The following MMP26 variants were observed in gnomAD, a reference collection of about 807,000 sequenced individuals.
MMP26 encodes matrix metalloproteinase-26.
Under a neutral mutation model 31.0 loss-of-function variants are expected in MMP26, and 33 were observed. The ratio of observed to expected loss-of-function variants is 1.06; its 90% CI spans 0.81 to 1.42. The LOEUF (loss-of-function observed/expected upper bound fraction) is 1.42. Among genes scored for constraint, MMP26 ranks in the 40% most tolerant of loss-of-function variants. The probability of loss-of-function intolerance (pLI) is 0.00; values close to 1 mark genes in which losing one functional copy is unlikely to be tolerated. For synonymous variants in MMP26, 122 were observed against 114.9 expected, an observed-to-expected ratio of 1.06 and a Z score of -0.40; for missense variants, 347 against 316.1, an observed-to-expected ratio of 1.10 and a Z score of -0.74.
At chr11:4,819,097 T>G (rs2133468988) in intron 2 of MMP26, among the ~76,000 whole-genome samples, 1 of 152,194 alleles carries the variant, frequency 6.6e-6, no homozygotes, top group South Asian at 2.1e-4. Context: ...CAGAAAATGG[T>G]ATAGGAGGAA....
chr11:4,944,911 A>G, intron 2 of MMP26: 1 of 152,132 alleles, frequency 6.6e-6, no homozygotes, highest in Non-Finnish European at 1.5e-5. Flanking sequence ...TTCAACAAAC[A>G]TGGTCTTATT....
intron 2 of MMP26, among the ~76,000 whole-genome samples, chr11:4,924,988 A>G (rs773960398): frequency 6.6e-6 from 1 of 152,218 alleles, no homozygotes; most frequent in Non-Finnish European, 1.5e-5. Flanking sequence ...TTATATATAT[A>G]TAAGTGTAGT....
chr11:4,865,408 C>T (rs1320254267), intron 2 of MMP26, among the ~76,000 whole-genome samples: 1 of 151,868 alleles, frequency 6.6e-6, no homozygotes, highest in African/African-American at 2.4e-5. Context: ...TGAAGTAGAA[C>T]GAATGAATCC....
chr11:4,952,094 T>C (rs1216924618), intron 2 of MMP26, among the ~76,000 whole-genome samples: 1 of 125,056 alleles, frequency 8.0e-6, no homozygotes, highest in East Asian at 2.3e-4. Context: ...TTGCTGTTGT[T>C]TGCCATGTTC....
intron 2 of MMP26, among the ~76,000 whole-genome samples, chr11:4,843,552 G>A (rs894741883): frequency 4.6e-5 from 7 of 152,222 alleles, no homozygotes; most frequent in African/African-American, 1.4e-4. Flanking sequence ...GGAACGCAGG[G>A]TGCCATGTCT....
At chr11:4,882,487 CA>C (rs1438016718) in intron 2 of MMP26, 1 of 1,613,832 alleles carries the variant, frequency 6.2e-7, no homozygotes, top group Non-Finnish European at 8.5e-7. Flanking sequence ...AACCTTGGAT[CA>C]GCAGTTTTTG....
chr11:4,724,895 A>G (rs1397671566), intron 1 of MMP26, among the ~76,000 whole-genome samples: 1 of 152,232 alleles, frequency 6.6e-6, no homozygotes, highest in Non-Finnish European at 1.5e-5. Flanking sequence ...ATAGACTGAT[A>G]TGGTTTGGAT....
chr11:4,833,071 G>A (rs1849668466), intron 2 of MMP26: 1 of 152,218 alleles, frequency 6.6e-6, no homozygotes, highest in Non-Finnish European at 1.5e-5. Context: ...AAGCCTAAAT[G>A]ATGGGGCAAA....
chr11:4,978,390 A>T (rs1453597909), intron 2 of MMP26, among the ~76,000 whole-genome samples: 3 of 152,216 alleles, frequency 2.0e-5, no homozygotes, highest in Non-Finnish European at 4.4e-5. Flanking sequence ...TGATTATTAA[A>T]GTAATTATTT....
chr11:4,938,781 T>G (rs1846166733), intron 2 of MMP26, among the ~76,000 whole-genome samples: 1 of 152,128 alleles, frequency 6.6e-6, no homozygotes, highest in Non-Finnish European at 1.5e-5. Context: ...CATATATGTA[T>G]AGGATGAACA....
At chr11:4,865,932 C>T (rs1850228115) in intron 2 of MMP26, among the ~76,000 whole-genome samples, 1 of 151,968 alleles carries the variant, frequency 6.6e-6, no homozygotes, top group Non-Finnish European at 1.5e-5. Flanking sequence ...ATAAATTATT[C>T]AAACATGTGA....
At chr11:4,738,962 GT>G (rs113037064) in intron 1 of MMP26, among the ~76,000 whole-genome samples, 6,661 of 152,206 alleles carry the variant, frequency 0.044, 469 homozygotes, top group African/African-American at 0.15. Context: ...CCTTGCTAGA[GT>G]TTTTTCTAGT....
intron 2 of MMP26, among the ~76,000 whole-genome samples, chr11:4,817,899 A>C (rs555900384): frequency 6.6e-6 from 1 of 152,176 alleles, no homozygotes; most frequent in Admixed American, 6.5e-5. Context: ...TAGAAAGGGC[A>C]CCTCTTCCTC....
intron 1 of MMP26, chr11:4,736,674 G>A (rs1296384424): frequency 6.6e-6 from 1 of 152,192 alleles, no homozygotes; most frequent in African/African-American, 2.4e-5. Context: ...ATACTTTGAC[G>A]ATCCTGGAAT....
chr11:4,744,086 C>T (rs1386079065), intron 1 of MMP26, among the ~76,000 whole-genome samples: 2 of 152,082 alleles, frequency 1.3e-5, no homozygotes, highest in African/African-American at 4.8e-5. Flanking sequence ...AAGTGTGAGC[C>T]ACCGTGCCTA....
chr11:4,890,773 G>A (rs1850607687), intron 2 of MMP26, among the ~76,000 whole-genome samples: 1 of 152,002 alleles, frequency 6.6e-6, no homozygotes, highest in Non-Finnish European at 1.5e-5. Flanking sequence ...AATAAAGTCA[G>A]ATCTTGACTG....
chr11:4,725,310 A>G (rs1848084304), intron 1 of MMP26, among the ~76,000 whole-genome samples: 2 of 152,184 alleles, frequency 1.3e-5, no homozygotes, highest in South Asian at 4.1e-4. Flanking sequence ...GTGAAATTTG[A>G]GACTGTTTTT....
At chr11:4,972,063 C>T (rs1043171314) in intron 2 of MMP26, among the ~76,000 whole-genome samples, 6 of 152,142 alleles carry the variant, frequency 3.9e-5, no homozygotes, top group African/African-American at 1.4e-4. Flanking sequence ...ATGTCCAAAG[C>T]ATGTAATTGA....
intron 2 of MMP26, among the ~76,000 whole-genome samples, chr11:4,894,284 TA>T (rs1387453139): frequency 1.3e-5 from 2 of 152,194 alleles, no homozygotes; most frequent in African/African-American, 2.4e-5. Flanking sequence ...AACTGAAGCA[TA>T]GAGAGATTAA....
Sources: allele counts gnomAD v4.1 joint callset (sites outside exome capture counted in the v4.1 genomes callset), GRCh38; gene constraint gnomAD v4.1.1; transcripts MANE v1.5; gene names NCBI Gene and HGNC (gene_info 2026-07-23, HGNC 2026-07-21).